Variants in RCAN2 observed in about 807,000 individuals in gnomAD.
The protein encoded by RCAN2 is regulator of calcineurin 2.
A neutral mutation model predicts 23.6 loss-of-function variants in RCAN2; 9 were observed. That is an observed-to-expected ratio of 0.38 (90% CI 0.23 to 0.67). The LOEUF is 0.67. Ranked by LOEUF, RCAN2 falls within the 30% of genes least tolerant of loss-of-function variation. The probability of loss-of-function intolerance (pLI) is 0.51; values close to 1 mark genes in which losing one functional copy is unlikely to be tolerated. For synonymous variants in RCAN2, 109 were observed against 115.7 expected (o/e 0.94, Z 0.37); for missense variants, 273 against 302.3 (o/e 0.90, Z 0.72).
intron 4 of RCAN2, 32 bp from the exon 5 acceptor site, chr6:46,223,333 AG>A (rs778134959): frequency 1.2e-5 from 20 of 1,602,502 alleles, no homozygotes; most frequent in African/African-American, 4.0e-5. Flanking sequence ...AGTGAGAAAG[AG>A]GGGGGGATTT....
intron 2 of RCAN2, among the ~76,000 whole-genome samples, chr6:46,422,372 A>T (rs1175936647): frequency 2.0e-5 from 3 of 152,206 alleles, no homozygotes; most frequent in Non-Finnish European, 1.5e-5. Flanking sequence ...TACAGCCTGC[A>T]GAACAACAAA....
chr6:46,465,427 C>T (rs528133949), intron 1 of RCAN2, among the ~76,000 whole-genome samples: 7 of 152,302 alleles, frequency 4.6e-5, no homozygotes, highest in African/African-American at 1.7e-4. Context: ...CTATTTACAG[C>T]ATGGGCAGGG....
rs1351366110 is a variant in RCAN2, at chr6:46,227,963, T to A, written c.572-4662A>T. Among the ~76,000 whole-genome samples the A allele has an allele frequency of 2.0e-5, 3 of 152,234 alleles. No individual in the cohort carries two copies. In the East Asian group the frequency reaches 5.8e-4, roughly 29 times the overall value. Reference sequence around the variant, plus strand: ...TGCTTTAAATGTGTCCCAGAGATTCTGGTATGTTGTGTCTTTGTTCTCATT... The same window carrying A: ...TGCTTTAAATGTGTCCCAGAGATTCAGGTATGTTGTGTCTTTGTTCTCATT... On this transcript the variant is annotated intron_variant, in intron 4 of 4. Coordinates refer to ENST00000371374, the MANE Select transcript of RCAN2 (RefSeq NM_001251974.2).
In RCAN2 at chr6:46,444,595, T is replaced by TG. The variant is rs552914181; in HGVS notation, c.225+12156dup. On this transcript the variant is annotated intron_variant, in intron 2 of 4. Transcript: ENST00000371374. ...TGCCCCTTTGCCAGGTTGGCAACCC[T>TG]GGCATCAGTTACCAGGCTAGCACTC... is the stretch of plus-strand genomic sequence containing the variant. 7.9e-5 allele frequency among the ~76,000 whole-genome samples: 12 copies of TG among 152,100 alleles called. No individual in the cohort carries two copies. In the South Asian group the frequency reaches 2.3e-3, roughly 29 times the overall value.
intron 2 of RCAN2, among the ~76,000 whole-genome samples, chr6:46,439,780 A>G (rs1767478381): frequency 6.6e-6 from 1 of 152,196 alleles, no homozygotes; most frequent in Non-Finnish European, 1.5e-5. Context: ...CCCTCCTCCC[A>G]TATTTAGAAC....
At chr6:46,279,565 T>C (rs1561840346) in intron 2 of RCAN2, among the ~76,000 whole-genome samples, 1 of 152,220 alleles carries the variant, frequency 6.6e-6, no homozygotes, top group Non-Finnish European at 1.5e-5. Flanking sequence ...TGCTCCCTGT[T>C]GAGAAGCACT....
intron 4 of RCAN2, among the ~76,000 whole-genome samples, chr6:46,233,958 A>C (rs1034903502): frequency 1.3e-5 from 2 of 152,044 alleles, no homozygotes; most frequent in African/African-American, 4.8e-5. Context: ...TGAACTCCTG[A>C]CCTCAGGTAA....
chr6:46,404,547 T>C (rs1766344995), intron 2 of RCAN2, among the ~76,000 whole-genome samples: 1 of 152,320 alleles, frequency 6.6e-6, no homozygotes, highest in African/African-American at 2.4e-5. Flanking sequence ...GAACAAAAAT[T>C]ATTCTAGAAA....
intron 1 of RCAN2, among the ~76,000 whole-genome samples, chr6:46,488,746 GCTT>G (rs1769061025): frequency 6.6e-6 from 1 of 152,144 alleles, no homozygotes; most frequent in African/African-American, 2.4e-5. Context: ...AGACATCTAA[GCTT>G]CTCCTTCCAT....
intron 2 of RCAN2, among the ~76,000 whole-genome samples, chr6:46,258,847 C>T (rs1000205721): frequency 6.6e-6 from 1 of 152,100 alleles, no homozygotes; most frequent in Non-Finnish European, 1.5e-5. Context: ...AGCCAACAAA[C>T]AAACAAACAA....
chr6:46,229,165 G>T (rs546677839), intron 4 of RCAN2, among the ~76,000 whole-genome samples: 1 of 152,282 alleles, frequency 6.6e-6, no homozygotes, highest in East Asian at 1.9e-4. Flanking sequence ...GCTTTCCTTT[G>T]TGGGTAACCT....
At chr6:46,325,265 A>G in intron 2 of RCAN2, 1 of 930,778 alleles carries the variant, frequency 1.1e-6, no homozygotes, top group Non-Finnish European at 1.6e-6. Context: ...TGCACTCACT[A>G]CATGCATTTC....
intron 2 of RCAN2, among the ~76,000 whole-genome samples, chr6:46,427,473 T>C (rs1217658800): frequency 6.6e-6 from 1 of 152,172 alleles, no homozygotes; most frequent in East Asian, 1.9e-4. Flanking sequence ...GTAAAATAAT[T>C]AAAATCATGC....
chr6:46,270,624 G>A (rs1298712338), intron 2 of RCAN2, among the ~76,000 whole-genome samples: 1 of 152,164 alleles, frequency 6.6e-6, no homozygotes, highest in East Asian at 1.9e-4. Flanking sequence ...GTAGGGATTT[G>A]CTTTAAATAA....
At chr6:46,393,648 G>T (rs774423131) in intron 2 of RCAN2, among the ~76,000 whole-genome samples, 16 of 152,116 alleles carry the variant, frequency 1.1e-4, no homozygotes, top group Non-Finnish European at 1.5e-4. Flanking sequence ...GTTACCAAAA[G>T]GATGGTTTTC....
chr6:46,458,807 T>C (rs2150434050), intron 1 of RCAN2, among the ~76,000 whole-genome samples: 1 of 152,352 alleles, frequency 6.6e-6, no homozygotes, highest in Admixed American at 6.5e-5. Context: ...TATTAGAGTA[T>C]CAATTGTTTT....
At chr6:46,421,575 A>G (rs1204581559) in intron 2 of RCAN2, among the ~76,000 whole-genome samples, 2 of 152,202 alleles carry the variant, frequency 1.3e-5, no homozygotes, top group African/African-American at 4.8e-5. Flanking sequence ...ACAAACTCCT[A>G]CTCAACTTTT....
At chr6:46,263,513 A>ATGTGTGTGTGTGTGTGTGTGTG (rs1267211253) in intron 2 of RCAN2, among the ~76,000 whole-genome samples, 1 of 56,334 alleles carries the variant, frequency 1.8e-5, no homozygotes. Context: ...ATGTGTGTGT[A>ATGTGTGTGTGTGTGTGTGTGTG]TGTGTGTATG....
chr6:46,347,034 C>T (rs937677423), intron 2 of RCAN2, among the ~76,000 whole-genome samples: 5 of 152,054 alleles, frequency 3.3e-5, no homozygotes, highest in African/African-American at 1.2e-4. Context: ...CGCCACCACG[C>T]CTGGCTAATT....
Sources: gnomAD v4.1 joint callset for allele counts (sites outside exome capture counted in the v4.1 genomes callset) on GRCh38, gnomAD v4.1.1 for gene constraint, MANE v1.5 for transcripts, NCBI Gene and HGNC (gene_info 2026-07-23, HGNC 2026-07-21) for gene names.